MLIP: variants seen among roughly 807,000 people sequenced by gnomAD.
MLIP encodes the protein muscular LMNA-interacting protein.
MLIP carries 79 observed loss-of-function variants against 84.8 expected under a neutral mutation model. The observed-to-expected ratio is 0.93, with a 90% CI of 0.78 to 1.12. MLIP has a LOEUF of 1.12. Ranked by LOEUF, MLIP falls within the 50% of genes most tolerant of loss-of-function variation. MLIP has a pLI of 0.00. For missense variants in MLIP, 1,257 were observed against 1,160.6 expected (o/e 1.08, Z -1.21); for synonymous variants, 504 against 463.0 (o/e 1.09, Z -1.14).
intron 8 of MLIP, among the ~76,000 whole-genome samples, chr6:54,168,532 T>C (rs1327391476): frequency 6.6e-6 from 1 of 151,860 alleles, no homozygotes; most frequent in African/African-American, 2.4e-5. Flanking sequence ...GAATGTGAAC[T>C]CCTCAATGGC....
intron 1 of MLIP, among the ~76,000 whole-genome samples, chr6:54,114,346 A>G (rs1179667006): frequency 6.6e-6 from 1 of 152,198 alleles, no homozygotes; most frequent in East Asian, 1.9e-4. Flanking sequence ...TTGGTTGTAT[A>G]TTGGGCACAC....
At chr6:54,121,687 T>C in intron 2 of MLIP, 85 bp downstream of exon 2, 1 of 1,056,198 alleles carries the variant, frequency 9.5e-7, no homozygotes, top group Non-Finnish European at 1.3e-6. Context: ...GTATATTTCC[T>C]GTGCTTAAAT....
At chr6:54,148,590 T>G (rs1053865507) in intron 4 of MLIP, among the ~76,000 whole-genome samples, 6 of 152,148 alleles carry the variant, frequency 3.9e-5, no homozygotes, top group African/African-American at 1.4e-4. Flanking sequence ...TGTATTTTGA[T>G]CTCTGTTTTT....
rs536506044 is a variant in MLIP, at chr6:54,167,228, G to A, written c.2500-2300G>A. On this transcript the variant is annotated intron_variant, in intron 8 of 13. Transcript: ENST00000502396. ...TCTATTTAAAACCAGAAGTGCTTACGCATTTCAAACCTCAGAATATAAGCA... is the reference window on the plus strand; with the variant it reads ...TCTATTTAAAACCAGAAGTGCTTACACATTTCAAACCTCAGAATATAAGCA... Among the ~76,000 whole-genome samples, 9 of 151,914 alleles carry A rather than the reference G, an allele frequency of 5.9e-5. No individual in the cohort carries two copies. In the South Asian group the frequency reaches 1.9e-3, roughly 32 times the overall value.
intron 11 of MLIP, chr6:54,215,014 C>A (rs1196743773): frequency 1.6e-6 from 1 of 628,810 alleles, no homozygotes; most frequent in Admixed American, 3.0e-5. Flanking sequence ...ATCCCTCCCT[C>A]ATGTAGCTTA....
chr6:54,081,591 T>A (rs1767155366), intron 1 of MLIP, among the ~76,000 whole-genome samples: 1 of 152,066 alleles, frequency 6.6e-6, no homozygotes. Flanking sequence ...TTTTGTATTT[T>A]TAGTTGAGAT....
chr6:54,105,449 T>A (rs1171468886), intron 1 of MLIP, among the ~76,000 whole-genome samples: 1 of 152,066 alleles, frequency 6.6e-6, no homozygotes, highest in African/African-American at 2.4e-5. Context: ...TGATAAAGAG[T>A]TCACTTTCAG....
chr6:54,089,446 G>A (rs183501246), intron 1 of MLIP, among the ~76,000 whole-genome samples: 1 of 152,200 alleles, frequency 6.6e-6, no homozygotes, highest in East Asian at 1.9e-4. Flanking sequence ...TTTTCAAGGA[G>A]TACAGAATGT....
intron 9 of MLIP, among the ~76,000 whole-genome samples, chr6:54,175,206 T>C (rs1361099985): frequency 6.6e-6 from 1 of 152,052 alleles, no homozygotes; most frequent in East Asian, 1.9e-4. Flanking sequence ...TTCCTTTTTC[T>C]CGGGATAGCT....
In MLIP at chr6:54,071,303, G is replaced by A. The variant is rs1188251449; in HGVS notation, c.64-50144G>A. Among the ~76,000 whole-genome samples, 4 of 151,680 alleles carry A rather than the reference G, an allele frequency of 2.6e-5. No homozygotes were observed. The East Asian group carries it at 7.7e-4, about 29-fold the overall frequency. ...ACAAACTTTAATATGCATGAATGCT[G>A]TTTCTATCAAAGTTATCTTCAAAAA... On this transcript the variant is annotated intron_variant, in intron 1 of 12. Coordinates refer to the MLIP transcript ENST00000274897.
At chr6:54,147,585 T>C (rs187892484) in intron 4 of MLIP, among the ~76,000 whole-genome samples, 6 of 152,196 alleles carry the variant, frequency 3.9e-5, no homozygotes, top group Non-Finnish European at 7.4e-5. Flanking sequence ...GGAGAAGAGC[T>C]ATATGGAGGA....
At position 54,182,240 on chromosome 6, in the gene MLIP, C is replaced by T. The variant is rs1168241687; in HGVS notation, c.2545-7630C>T. Among the ~76,000 whole-genome samples the T allele has an allele frequency of 3.3e-5, 5 of 152,196 alleles. No individual in the cohort carries two copies. In the East Asian group the frequency reaches 9.6e-4, roughly 29 times the overall value. On this transcript the variant is annotated intron_variant, in intron 9 of 13. Transcript: ENST00000502396. Reference sequence around the variant, plus strand: ...TATAGGCCTACTCCAAATGCTCTCTCCATCTGTGGGCACTGGCTGAGCCCA... The same window carrying T: ...TATAGGCCTACTCCAAATGCTCTCTTCATCTGTGGGCACTGGCTGAGCCCA...
intron 11 of MLIP, among the ~76,000 whole-genome samples, chr6:54,224,218 TA>T (rs750071918): frequency 3.7e-4 from 56 of 151,666 alleles, no homozygotes; most frequent in Non-Finnish European, 7.4e-4. Flanking sequence ...AACAGATCAA[TA>T]AAAAGGGAGA....
intron 10 of MLIP, among the ~76,000 whole-genome samples, chr6:54,199,482 C>T (rs2754806): frequency 0.91 from 138,610 of 152,164 alleles, 64,486 homozygotes; most frequent in East Asian, 1. Context: ...TTATTAGCTG[C>T]AATGGGTCCT....
At chr6:54,134,995 A>G (rs967814018) in intron 3 of MLIP, among the ~76,000 whole-genome samples, 1 of 151,968 alleles carries the variant, frequency 6.6e-6, no homozygotes, top group Non-Finnish European at 1.5e-5. Flanking sequence ...AAAAAAAAAA[A>G]TTCCCTGGAT....
In MLIP at chr6:54,138,397, GAGGA is replaced by G. The variant is rs142939292; in HGVS notation, c.2217+114_2217+117del. 2,447 of 1,299,000 alleles carry G rather than the reference GAGGA, an allele frequency of 1.9e-3. 38 individuals are homozygous for G. In the African/African-American group the frequency reaches 0.031, roughly 17 times the overall value. 80.5% of individuals were successfully genotyped at this position (1,299,000 alleles called of 1,614,324 possible). ...ATAGTATTAATTGTACTCCTACAAGGAGGAAGAAAAAGTGCAAGACGGTACCAGG... is the reference window on the plus strand; with the variant it reads ...ATAGTATTAATTGTACTCCTACAAGGAGAAAAAGTGCAAGACGGTACCAGG... On this transcript the variant is annotated intron_variant, in intron 4 of 13. Transcript: ENST00000502396.
At chr6:54,215,151 T>C in intron 11 of MLIP, 1 of 1,535,616 alleles carries the variant, frequency 6.5e-7, no homozygotes, top group Non-Finnish European at 8.7e-7. Flanking sequence ...CTGCACATTC[T>C]GTGGACTCCT....
chr6:54,134,219 G>A (rs536933871), intron 3 of MLIP, among the ~76,000 whole-genome samples: 3 of 152,138 alleles, frequency 2.0e-5, no homozygotes, highest in East Asian at 3.9e-4. Context: ...TTTGACAGGT[G>A]CCCATGTATT....
chr6:54,097,729 G>A (rs1768316547), intron 1 of MLIP, among the ~76,000 whole-genome samples: 1 of 152,100 alleles, frequency 6.6e-6, no homozygotes, highest in South Asian at 2.1e-4. Flanking sequence ...TATGTAACAG[G>A]CATTATTTCA....
Sources: gnomAD v4.1 joint callset for allele counts (sites outside exome capture counted in the v4.1 genomes callset) on GRCh38, gnomAD v4.1.1 for gene constraint, MANE v1.5 for transcripts, NCBI Gene and HGNC (gene_info 2026-07-23, HGNC 2026-07-21) for gene names.